Variants in GRIP1 observed in about 807,000 individuals in gnomAD.
GRIP1 encodes the protein glutamate receptor interacting protein 1.
Under a neutral mutation model 129.9 loss-of-function variants are expected in GRIP1, and 45 were observed. The observed-to-expected ratio is 0.35, with a 90% CI of 0.27 to 0.44. GRIP1 has a LOEUF of 0.44. Ranked by LOEUF, GRIP1 falls within the 20% of genes least tolerant of loss-of-function variation. The pLI, the probability that GRIP1 is intolerant of heterozygous loss-of-function variation, is 1.00. For missense variants in GRIP1, 1,196 were observed against 1,396.8 expected (o/e 0.86, Z 2.29); for synonymous variants, 530 against 520.8 (o/e 1.02, Z -0.24).
At position 66,455,449 on chromosome 12, in the gene GRIP1, C is replaced by G. The variant is rs1332263241; in HGVS notation, c.1314G>C (p.Met438Ile). The change falls in exon 11 of 25, where the codon ATG becomes ATC. Residue 438 changes from methionine (M) to isoleucine (I), a missense_variant. Around this residue, in one of 5 missense-constraint regions of GRIP1, gnomAD observed 508 missense variants for 587.0 expected, o/e 0.87. Transcript: ENST00000359742. ...CTTTCTTTTTCAGTCTCCTCCTCAT[C>G]ATGGTTCCACGTGGGCTGGTGGAGT... Reference protein sequence around the residue: ...SLYSTSPRGTMMRRRLKKKDF... With the variant: ...SLYSTSPRGTIMRRRLKKKDF... The G allele has an allele frequency of 6.2e-6, 10 of 1,614,050 alleles. No individual in the cohort carries two copies. Among genetic ancestry groups the G allele is most frequent in the Middle Eastern group, 1.6e-4 (1 of 6,084 alleles).
chr12:66,564,913 C>T (rs1423717023), intron 2 of GRIP1, among the ~76,000 whole-genome samples: 1 of 152,240 alleles, frequency 6.6e-6, no homozygotes. Context: ...CTGTTGGCTA[C>T]AGAAATGTCT....
chr12:66,793,628 G>A (rs113172803), intron 1 of GRIP1, among the ~76,000 whole-genome samples: 339 of 152,224 alleles, frequency 2.2e-3, no homozygotes, highest in African/African-American at 7.7e-3. Flanking sequence ...TGGAGCCGTG[G>A]AATTATATCC....
intron 1 of GRIP1, among the ~76,000 whole-genome samples, chr12:66,742,292 C>G (rs150295807): frequency 6.6e-6 from 1 of 152,102 alleles, no homozygotes; most frequent in Non-Finnish European, 1.5e-5. Flanking sequence ...TATTTTGTTA[C>G]AAATGAACTA....
intron 1 of GRIP1, among the ~76,000 whole-genome samples, chr12:66,826,320 G>A (rs564616712): frequency 6.6e-6 from 1 of 152,090 alleles, no homozygotes; most frequent in African/African-American, 2.4e-5. Context: ...GGGGATAGGG[G>A]AGGGATAGCA....
At chr12:66,884,829 A>T (rs2040538273) in intron 1 of GRIP1, among the ~76,000 whole-genome samples, 1 of 152,172 alleles carries the variant, frequency 6.6e-6, no homozygotes, top group East Asian at 1.9e-4. Flanking sequence ...AATATATATA[A>T]TTCCTGGCAA....
At chr12:66,365,434 C>T (rs1425085587) in intron 23 of GRIP1, among the ~76,000 whole-genome samples, 1 of 152,214 alleles carries the variant, frequency 6.6e-6, no homozygotes, top group African/African-American at 2.4e-5. Context: ...CAGACTTCAT[C>T]CCTCACCTCC....
intron 14 of GRIP1, among the ~76,000 whole-genome samples, chr12:66,426,411 C>A (rs960551245): frequency 9.9e-5 from 15 of 151,934 alleles, no homozygotes; most frequent in Admixed American, 4.6e-4. Context: ...TTTTTCATTT[C>A]TCTTAATTTT....
chr12:66,815,982 A>G (rs1468083952), intron 1 of GRIP1, among the ~76,000 whole-genome samples: 3 of 152,048 alleles, frequency 2.0e-5, no homozygotes, highest in Non-Finnish European at 2.9e-5. Context: ...CTGAAACATG[A>G]TAACAAGAAA....
chr12:66,708,819 C>A (rs1221316954), intron 1 of GRIP1, among the ~76,000 whole-genome samples: 1 of 151,744 alleles, frequency 6.6e-6, no homozygotes, highest in Non-Finnish European at 1.5e-5. Context: ...TTTATATTTA[C>A]TTTTTCTTTG....
intron 1 of GRIP1, among the ~76,000 whole-genome samples, chr12:66,855,034 ATTAT>A (rs560135894): frequency 4.6e-5 from 7 of 151,826 alleles, no homozygotes; most frequent in East Asian, 3.9e-4. Context: ...CTATCTGCTT[ATTAT>A]TTATTTATTT....
At chr12:66,665,701 T>C (rs1395779788) in intron 1 of GRIP1, among the ~76,000 whole-genome samples, 1 of 152,198 alleles carries the variant, frequency 6.6e-6, no homozygotes, top group East Asian at 1.9e-4. Context: ...GTTTCCAGTT[T>C]TGTGCTATTA....
chr12:66,780,830 T>C (rs968456687), intron 1 of GRIP1, among the ~76,000 whole-genome samples: 1 of 152,146 alleles, frequency 6.6e-6, no homozygotes, highest in African/African-American at 2.4e-5. Flanking sequence ...TGTCATACTG[T>C]GAGAAAGCTC....
At chr12:66,573,465 T>C (rs1324831172) in intron 2 of GRIP1, among the ~76,000 whole-genome samples, 2 of 152,210 alleles carry the variant, frequency 1.3e-5, no homozygotes, top group East Asian at 3.8e-4. Flanking sequence ...ATAACTAATG[T>C]AAATGCTTTA....
chr12:66,425,078 G>A (rs1481738896), intron 14 of GRIP1, among the ~76,000 whole-genome samples: 1 of 152,132 alleles, frequency 6.6e-6, no homozygotes, highest in Non-Finnish European at 1.5e-5. Context: ...AGGGAGAAGA[G>A]TTTATTGAGA....
At chr12:66,465,036 G>A (rs1000985296) in intron 8 of GRIP1, among the ~76,000 whole-genome samples, 5 of 149,352 alleles carry the variant, frequency 3.3e-5, no homozygotes, top group Admixed American at 2.7e-4. Context: ...CCTCTGCCTC[G>A]CGAGTTTAAG....
intron 1 of GRIP1, among the ~76,000 whole-genome samples, chr12:67,006,631 T>C (rs891849396): frequency 2.0e-5 from 3 of 152,156 alleles, no homozygotes; most frequent in African/African-American, 4.8e-5. Context: ...TTGACAGCCT[T>C]CATCTGAGGG....
At chr12:66,688,646 A>AGGGT (rs1393013113) in intron 1 of GRIP1, among the ~76,000 whole-genome samples, 1 of 152,076 alleles carries the variant, frequency 6.6e-6, no homozygotes, top group Non-Finnish European at 1.5e-5. Flanking sequence ...AAAACCCAGA[A>AGGGT]GGGTCCTTTT....
chr12:66,954,218 G>A (rs749996758), intron 1 of GRIP1, among the ~76,000 whole-genome samples: 2 of 151,960 alleles, frequency 1.3e-5, no homozygotes, highest in Non-Finnish European at 1.5e-5. Context: ...TCATGACATC[G>A]CTATTAGGTT....
At chr12:66,393,828 G>A (rs2137532664) in intron 17 of GRIP1, among the ~76,000 whole-genome samples, 1 of 152,290 alleles carries the variant, frequency 6.6e-6, no homozygotes, top group African/African-American at 2.4e-5. Context: ...GCAGCTAAGT[G>A]TGGCACCTGT....
Sources: gnomAD v4.1 joint callset for allele counts (sites outside exome capture counted in the v4.1 genomes callset) on GRCh38, gnomAD v4.1.1 for gene constraint, gnomAD v4.1.1 regional missense constraint, MANE v1.5 for transcripts, NCBI Gene and HGNC (gene_info 2026-07-23, HGNC 2026-07-21) for gene names.